CPNE4: variants seen among roughly 807,000 people sequenced by gnomAD.
CPNE4 encodes copine 4.
Under a neutral mutation model 67.9 loss-of-function variants are expected in CPNE4, and 25 were observed. That is an observed-to-expected ratio of 0.37 (90% CI 0.27 to 0.51). CPNE4 has a LOEUF of 0.51. CPNE4 is among the 20% of genes least tolerant of loss of function. The probability of loss-of-function intolerance (pLI) is 0.93; values close to 1 mark genes in which losing one functional copy is unlikely to be tolerated. For missense variants in CPNE4, 464 were observed against 690.8 expected (o/e 0.67, Z 3.68); for synonymous variants, 242 against 244.9 (o/e 0.99, Z 0.11).
chr3:132,008,564 T>C (rs925227461), intron 1 of CPNE4, among the ~76,000 whole-genome samples: 2 of 152,122 alleles, frequency 1.3e-5, no homozygotes, highest in African/African-American at 2.4e-5. Context: ...CCCCATGATG[T>C]TTCCATATGA....
chr3:131,915,401 G>T (rs937224853), intron 1 of CPNE4, among the ~76,000 whole-genome samples: 3 of 152,042 alleles, frequency 2.0e-5, no homozygotes, highest in Admixed American at 6.6e-5. Flanking sequence ...TATATGTAAT[G>T]GTAGCTTCAT....
intron 2 of CPNE4, among the ~76,000 whole-genome samples, chr3:131,781,609 G>A (rs559129059): frequency 6.6e-6 from 1 of 152,236 alleles, no homozygotes; most frequent in East Asian, 1.9e-4. Context: ...CAAGTTGGAT[G>A]AAGTCAAAGA....
chr3:132,013,012 C>T (rs1230162962), intron 1 of CPNE4, among the ~76,000 whole-genome samples: 1 of 152,170 alleles, frequency 6.6e-6, no homozygotes, highest in Non-Finnish European at 1.5e-5. Context: ...CAGCTGAGGT[C>T]AGGAGATCGA....
chr3:131,639,015 T>C (rs532483226), intron 7 of CPNE4, among the ~76,000 whole-genome samples: 1 of 152,174 alleles, frequency 6.6e-6, no homozygotes, highest in Non-Finnish European at 1.5e-5. Context: ...GCAAAAGCAG[T>C]GCTAAGAGGA....
Position 131,581,639 on chromosome 3 carries a change from C to T in CPNE4, c.807G>A (p.Lys269=). 1 of 1,613,536 alleles carries T rather than the reference C, an allele frequency of 6.2e-7. No individual in the cohort carries two copies. The highest frequency in any genetic ancestry group is 8.5e-7 in the Non-Finnish European group (1 of 1,179,528). ...KQVQWECINP[K]YKAKKKNYKN... ...TGTAATTCTTCTTCTTGGCTTTGTA[C>T]TTGGGATTGATGCACTCCCACTGCA... Residue 269 remains lysine (K), a synonymous_variant, in exon 9 of 16, where the codon AAG becomes AAA. Coordinates refer to ENST00000429747, the MANE Select transcript of CPNE4 (RefSeq NM_130808.3).
intron 1 of CPNE4, among the ~76,000 whole-genome samples, chr3:131,923,259 G>T (rs759226851): frequency 6.6e-6 from 1 of 152,210 alleles, no homozygotes; most frequent in Non-Finnish European, 1.5e-5. Context: ...AGGCAAAAAT[G>T]TGTGTTTGTG....
upstream of CPNE4, chr3:132,037,584 T>C: frequency 6.5e-7 from 1 of 1,536,030 alleles, no homozygotes; most frequent in Non-Finnish European, 8.7e-7. Context: ...TTTAATGGAT[T>C]CTGAGCTGCT....
intron 2 of CPNE4, among the ~76,000 whole-genome samples, chr3:131,884,916 C>T (rs1355319602): frequency 6.6e-6 from 1 of 152,086 alleles, no homozygotes; most frequent in Non-Finnish European, 1.5e-5. Context: ...TGTAAATTGC[C>T]CAGTCTCTGG....
intron 2 of CPNE4, among the ~76,000 whole-genome samples, chr3:131,743,927 C>T (rs1330524205): frequency 9.9e-4 from 125 of 126,112 alleles, no homozygotes; most frequent in African/African-American, 2.9e-3. Flanking sequence ...CGCGCCACTG[C>T]ACTCCAGCCT....
chr3:131,879,691 G>T lies in CPNE4; in HGVS notation c.180+25573C>A, dbSNP rs2369223. 8.9e-3 allele frequency among the ~76,000 whole-genome samples: 1,360 copies of T among 152,224 alleles called. 15 individuals are homozygous for T. Among genetic ancestry groups the T allele is most frequent in the African/African-American group, 0.03 (1,257 of 41,516 alleles). On this transcript the variant is annotated intron_variant, in intron 2 of 15. Coordinates refer to ENST00000429747, the MANE Select transcript of CPNE4 (RefSeq NM_130808.3). ...AAATAGAAGAGATATTATCTTCTGG[G>T]TGTATGGCTTAGGCAGAGCTCTAGC... is the stretch of plus-strand genomic sequence containing the variant.
rs1176602953 is a variant in CPNE4 at position 131,766,301 on chromosome 3, T to TATCGGGCACATAGCAAGC, written c.181-42677_181-42676insGCTTGCTATGTGCCCGAT. On this transcript the variant is annotated intron_variant, in intron 2 of 15. Coordinates refer to ENST00000429747, the MANE Select transcript of CPNE4 (RefSeq NM_130808.3). Reference sequence around the variant, plus strand: ...AAGATTAAGCAAAGTGTTTTACAAGTACTCAAGAAGTGTTAGCTTTTGTTT... The same window carrying TATCGGGCACATAGCAAGC: ...AAGATTAAGCAAAGTGTTTTACAAGTATCGGGCACATAGCAAGCACTCAAGAAGTGTTAGCTTTTGTTT... 3.5e-4 allele frequency among the ~76,000 whole-genome samples: 3 copies of TATCGGGCACATAGCAAGC among 8,472 alleles called. No individual in the cohort carries two copies. The East Asian group carries it at 0.017, about 47-fold the overall frequency. The allele number at this position is 8,472 out of a possible 152,430, so 5.6% of individuals were successfully genotyped here.
intron 2 of CPNE4, among the ~76,000 whole-genome samples, chr3:131,865,972 C>A (rs906160586): frequency 6.6e-6 from 1 of 152,210 alleles, no homozygotes; most frequent in South Asian, 2.1e-4. Context: ...ATGGCCAGGC[C>A]TTTACAGGCT....
intron 2 of CPNE4, among the ~76,000 whole-genome samples, chr3:131,802,992 G>A (rs2084186101): frequency 6.6e-6 from 1 of 152,088 alleles, no homozygotes; most frequent in Non-Finnish European, 1.5e-5. Flanking sequence ...ACTCAGGACT[G>A]GAATTAGAAA....
chr3:131,765,055 A>G (rs1402996948), intron 2 of CPNE4, among the ~76,000 whole-genome samples: 1 of 152,084 alleles, frequency 6.6e-6, no homozygotes, highest in Non-Finnish European at 1.5e-5. Flanking sequence ...TCTTCCCTTC[A>G]AGGAGACTTG....
At chr3:131,718,490 C>T (rs2081796720) in intron 3 of CPNE4, among the ~76,000 whole-genome samples, 1 of 152,168 alleles carries the variant, frequency 6.6e-6, no homozygotes, top group South Asian at 2.1e-4. Context: ...AGTTCTCTGT[C>T]GTTCCCTTCA....
intron 10 of CPNE4, among the ~76,000 whole-genome samples, chr3:131,571,191 C>A (rs73216413): frequency 0.09 from 13,727 of 151,982 alleles, 1,230 homozygotes; most frequent in African/African-American, 0.24. Context: ...GCTTTTTCCT[C>A]CTGGGCATCT....
chr3:131,812,464 G>A (rs1009761287), intron 2 of CPNE4, among the ~76,000 whole-genome samples: 13 of 152,114 alleles, frequency 8.5e-5, no homozygotes, highest in African/African-American at 3.1e-4. Flanking sequence ...CAAAGATATT[G>A]GAGCCTACTG....
chr3:131,638,498 C>T (rs531994578), intron 7 of CPNE4, among the ~76,000 whole-genome samples: 1 of 152,168 alleles, frequency 6.6e-6, no homozygotes, highest in East Asian at 1.9e-4. Context: ...ATGCACCTAA[C>T]ACTGGAGCTC....
At chr3:131,728,272 T>C (rs2082044086) in intron 2 of CPNE4, among the ~76,000 whole-genome samples, 1 of 152,158 alleles carries the variant, frequency 6.6e-6, no homozygotes, top group Admixed American at 6.5e-5. Context: ...CTTATAACAA[T>C]ATGAGGTAGG....
Sources: gnomAD v4.1 joint callset for allele counts (sites outside exome capture counted in the v4.1 genomes callset) on GRCh38, gnomAD v4.1.1 for gene constraint, MANE v1.5 for transcripts, NCBI Gene and HGNC (gene_info 2026-07-23, HGNC 2026-07-21) for gene names.